AOX1: variants seen among roughly 807,000 people sequenced by gnomAD.
AOX1 encodes the protein aldehyde oxidase 1, also known as aldehyde oxidase.
In AOX1, 153 loss-of-function variants were observed where a neutral mutation model predicts 169.5. The observed-to-expected ratio is 0.90, with a 90% CI of 0.79 to 1.03. AOX1 has a LOEUF of 1.03. AOX1 is among the 50% of genes least tolerant of loss of function. The probability of loss-of-function intolerance (pLI) is 0.00; values close to 1 mark genes in which losing one functional copy is unlikely to be tolerated. For missense variants in AOX1, 1,656 were observed against 1,663.9 expected, an observed-to-expected ratio of 1.00 and a Z score of 0.08; for synonymous variants, 562 against 581.9, an observed-to-expected ratio of 0.97 and a Z score of 0.49.
chr2:200,661,497 C>T (rs1419764870), intron 29 of AOX1, 82 bp from the exon 30 acceptor site: 2 of 1,078,434 alleles, frequency 1.9e-6, no homozygotes, highest in East Asian at 2.4e-5. Flanking sequence ...ATTTAACACA[C>T]AGGGTAAAAT....
At chr2:200,658,217 A>G (rs1559258954) in intron 27 of AOX1, among the ~76,000 whole-genome samples, 1 of 152,260 alleles carries the variant, frequency 6.6e-6, no homozygotes, top group African/African-American at 2.4e-5. Flanking sequence ...TCCAGAAAGT[A>G]TCCCTCTCAT....
At chr2:200,603,912 G>T in intron 7 of AOX1, 105 bp from the exon 8 acceptor site, 1 of 759,234 alleles carries the variant, frequency 1.3e-6, no homozygotes, top group Non-Finnish European at 2.2e-6. Flanking sequence ...GGACTTTTTT[G>T]TCGGTTTGCT....
Position 200,660,008 on chromosome 2 carries a change from C to T in AOX1, c.3314C>T (p.Thr1105Ile). 1 of 1,613,302 alleles carries T rather than the reference C, an allele frequency of 6.2e-7. No homozygotes were observed. The highest frequency in any genetic ancestry group is 1.3e-5 in the African/African-American group (1 of 74,982). Residue 1105 changes from threonine to isoleucine, a missense_variant, in exon 29 of 35, where the codon ACT (threonine) becomes ATT (isoleucine). Thr to Ile is a moderately conservative substitution (Grantham distance 89, BLOSUM62 -1). Transcript: ENST00000374700. ...NGLAVKDACQ[T>I]LLKRLEPIIS... ...AATAATCTCTAGGATGCCTGTCAAA[C>T]TCTTCTAAAACGCCTCGAACCCATC...
chr2:200,642,479 A>T (rs544933986), intron 24 of AOX1, 131 bp from the exon 25 acceptor site: 444 of 607,034 alleles, frequency 7.3e-4, no homozygotes, highest in Middle Eastern at 1.6e-3. Context: ...AATTGGGGGC[A>T]TGGGAATATT....
At chr2:200,620,200 T>G (rs951725791) in intron 16 of AOX1, among the ~76,000 whole-genome samples, 2,268 of 40,392 alleles carry the variant, frequency 0.056, 75 homozygotes, top group African/African-American at 0.14. Flanking sequence ...TAATAGTGAC[T>G]TTTTTTTTTT....
chr2:200,653,186 T>C (rs1370476050), intron 26 of AOX1, among the ~76,000 whole-genome samples: 1 of 152,208 alleles, frequency 6.6e-6, no homozygotes, highest in Non-Finnish European at 1.5e-5. Flanking sequence ...GAAGTGGGAT[T>C]CAGCTCAGCT....
intron 10 of AOX1, among the ~76,000 whole-genome samples, chr2:200,607,488 G>T (rs1479887731): frequency 6.6e-6 from 1 of 152,202 alleles, no homozygotes; most frequent in Non-Finnish European, 1.5e-5. Context: ...CAAGGCTGTG[G>T]AGAAATAGTA....
intron 25 of AOX1, among the ~76,000 whole-genome samples, chr2:200,647,566 C>T (rs1042159291): frequency 3.3e-5 from 5 of 152,154 alleles, no homozygotes; most frequent in Middle Eastern, 3.2e-3. Context: ...AATGTGCCTA[C>T]GTGAAGATCT....
intron 20 of AOX1, among the ~76,000 whole-genome samples, chr2:200,628,694 C>T (rs1354921363): frequency 1.3e-5 from 2 of 152,072 alleles, no homozygotes; most frequent in Non-Finnish European, 2.9e-5. Flanking sequence ...TTTGGGAGGC[C>T]GAGGTGAGTG....
At chr2:200,614,533 GCAAA>G (rs2034711497) in intron 15 of AOX1, among the ~76,000 whole-genome samples, 1 of 152,044 alleles carries the variant, frequency 6.6e-6, no homozygotes, top group African/African-American at 2.4e-5. Flanking sequence ...CTCTCTTAGG[GCAAA>G]CAATTAAAGC....
At chr2:200,658,132 G>A (rs1461127955) in intron 27 of AOX1, among the ~76,000 whole-genome samples, 1 of 152,146 alleles carries the variant, frequency 6.6e-6, no homozygotes, top group Non-Finnish European at 1.5e-5. Context: ...TCTTAAAATA[G>A]ACTTCTGGGA....
intron 34 of AOX1, among the ~76,000 whole-genome samples, 198 bp downstream of exon 34, chr2:200,669,940 C>A (rs367775121): frequency 8.2e-4 from 125 of 152,114 alleles, no homozygotes; most frequent in African/African-American, 2.8e-3. Context: ...TTTCATCAGC[C>A]TGCCCCTGCT....
At chr2:200,615,402 A>G (rs909870383) in intron 15 of AOX1, among the ~76,000 whole-genome samples, 2 of 152,218 alleles carry the variant, frequency 1.3e-5, no homozygotes, top group African/African-American at 2.4e-5. Flanking sequence ...AGGCTGTGCA[A>G]TGTTCAGTCT....
chr2:200,591,269 C>A lies in AOX1; in HGVS notation c.46-1877C>A, dbSNP rs531042459. Among the ~76,000 whole-genome samples, 5 of 152,256 alleles carry A rather than the reference C, an allele frequency of 3.3e-5. No individual in the cohort carries two copies. The South Asian group carries it at 1.0e-3, about 32-fold the overall frequency. ...TGTACACACACAAATAATTATGATA[C>A]AGTGTAAAAAGTGTCATAAAAGAAG... On this transcript the variant is annotated intron_variant, in intron 1 of 34. Transcript: ENST00000374700.
chr2:200,624,563 C>A lies in AOX1; in HGVS notation c.2124+580C>A, dbSNP rs527298476. Among the ~76,000 whole-genome samples the A allele has an allele frequency of 2.0e-5, 3 of 152,276 alleles. 1 individual carries two copies. The South Asian group carries it at 6.2e-4, about 32-fold the overall frequency. On this transcript the variant is annotated intron_variant, in intron 19 of 34. Transcript: ENST00000374700. The stretch of plus-strand genomic sequence containing the variant: ...CTCTATGACTTTTTACCCACCTTCA[C>A]CCAGGCACATGGTGAGGACCAACAG...
intron 27 of AOX1, among the ~76,000 whole-genome samples, chr2:200,658,032 C>T (rs2348025): frequency 0.48 from 72,794 of 151,982 alleles, 18,405 homozygotes; most frequent in East Asian, 0.79. Context: ...CATGTGGATA[C>T]ATATATGATT....
In AOX1 at chr2:200,605,522, TTTTG is replaced by T. The variant is rs759457645; in HGVS notation, c.815-13_815-10del. ...TCTAGTCTTATTGATTTTTTTTTTT[TTTTG>T]ATCCTTTAGGGCCTGAAGTGAAATT... On this transcript the variant is annotated splice_polypyrimidine_tract_variant and intron_variant, in intron 9 of 34. Coordinates refer to ENST00000374700, the MANE Select transcript of AOX1 (RefSeq NM_001159.4). 2.6e-5 allele frequency: 36 copies of T among 1,390,496 alleles called. No individual in the cohort carries two copies. Among genetic ancestry groups the T allele is most frequent in the Non-Finnish European group, 2.5e-5 (26 of 1,037,034 alleles). 86.1% of individuals were successfully genotyped at this position (1,390,496 alleles called of 1,614,324 possible).
At chr2:200,612,844 G>A in intron 14 of AOX1, 51 bp downstream of exon 14, 1 of 1,468,714 alleles carries the variant, frequency 6.8e-7, no homozygotes, top group African/African-American at 1.4e-5. Context: ...TAGACTCCAA[G>A]TATTAGAGGA....
At chr2:200,666,022 T>C (rs1056694403) in intron 31 of AOX1, among the ~76,000 whole-genome samples, 1 of 152,224 alleles carries the variant, frequency 6.6e-6, no homozygotes, top group Non-Finnish European at 1.5e-5. Flanking sequence ...ATAAGAACAA[T>C]CTGTTAGTCA....
Sources: gnomAD v4.1 joint callset for allele counts (sites outside exome capture counted in the v4.1 genomes callset) on GRCh38, gnomAD v4.1.1 for gene constraint, MANE v1.5 for transcripts, NCBI Gene and HGNC (gene_info 2026-07-23, HGNC 2026-07-21) for gene names.